The following PCDH15 variants were observed in gnomAD, a reference collection of about 807,000 sequenced individuals.
The protein encoded by PCDH15 is protocadherin-15.
In PCDH15, 129 loss-of-function variants were observed where a neutral mutation model predicts 178.5. The observed-to-expected ratio is 0.72, with a 90% CI of 0.63 to 0.84. The LOEUF (loss-of-function observed/expected upper bound fraction) is 0.84. PCDH15 is among the 40% of genes least tolerant of loss of function. The pLI is 0.00. For synonymous variants in PCDH15, 800 were observed against 732.0 expected (o/e 1.09, Z -1.50); for missense variants, 2,230 against 2,099.9 (o/e 1.06, Z -1.21).
intron 2 of PCDH15, among the ~76,000 whole-genome samples, chr10:55,042,818 C>T (rs946561288): frequency 1.2e-4 from 18 of 152,132 alleles, no homozygotes; most frequent in African/African-American, 4.1e-4. Flanking sequence ...CTATGATCTA[C>T]CTTCCAGTCT....
chr10:54,511,060 C>T (rs554597760), intron 3 of PCDH15, among the ~76,000 whole-genome samples: 1 of 152,028 alleles, frequency 6.6e-6, no homozygotes, highest in Non-Finnish European at 1.5e-5. Context: ...ATGATTTTAC[C>T]GTTACCTTTA....
intron 11 of PCDH15, among the ~76,000 whole-genome samples, chr10:54,193,309 T>C (rs576480930): frequency 6.6e-5 from 10 of 152,268 alleles, no homozygotes; most frequent in East Asian, 1.9e-4. Context: ...GTGTAACCAA[T>C]AGATAATATG....
intron 26 of PCDH15, among the ~76,000 whole-genome samples, chr10:53,876,128 G>A (rs7100891): frequency 0.014 from 2,114 of 151,166 alleles, 40 homozygotes; most frequent in African/African-American, 0.048. Flanking sequence ...TTTGCAAAAA[G>A]CAAAAATAAC....
chr10:53,994,480 T>C (rs1352669252), intron 21 of PCDH15: 1 of 152,144 alleles, frequency 6.6e-6, no homozygotes, highest in Non-Finnish European at 1.5e-5. Flanking sequence ...ATATAGTTGG[T>C]GCTAAAAACA....
At chr10:53,954,418 A>G (rs1235365066) in intron 23 of PCDH15, among the ~76,000 whole-genome samples, 1 of 152,250 alleles carries the variant, frequency 6.6e-6, no homozygotes, top group African/African-American at 2.4e-5. Context: ...AAAAAGAACA[A>G]TGGATTTTGT....
chr10:54,584,400 T>A (rs2091297787), intron 2 of PCDH15, among the ~76,000 whole-genome samples: 1 of 152,048 alleles, frequency 6.6e-6, no homozygotes, highest in African/African-American at 2.4e-5. Context: ...AGACCCTGAC[T>A]TTTTAAAGGA....
At chr10:54,342,072 G>A (rs1942336063) in intron 6 of PCDH15, among the ~76,000 whole-genome samples, 1 of 152,200 alleles carries the variant, frequency 6.6e-6, no homozygotes, top group African/African-American at 2.4e-5. Flanking sequence ...TGACCATGTG[G>A]TAGAAAAGAA....
intron 2 of PCDH15, among the ~76,000 whole-genome samples, chr10:54,975,140 C>G (rs1271227911): frequency 6.6e-6 from 1 of 152,176 alleles, no homozygotes; most frequent in East Asian, 1.9e-4. Flanking sequence ...CCAATATATT[C>G]TCATTTGGTC....
At chr10:55,004,555 C>A (rs1275980651) in intron 2 of PCDH15, among the ~76,000 whole-genome samples, 1 of 152,136 alleles carries the variant, frequency 6.6e-6, no homozygotes, top group African/African-American at 2.4e-5. Flanking sequence ...GATTGTCTTA[C>A]CCACCATCTG....
At chr10:55,471,237 T>C (rs950634186) in intron 2 of PCDH15, among the ~76,000 whole-genome samples, 1 of 152,200 alleles carries the variant, frequency 6.6e-6, no homozygotes, top group African/African-American at 2.4e-5. Context: ...GATTCACATA[T>C]ACAAAGTTTA....
At chr10:54,394,462 A>C (rs1284258306) in intron 3 of PCDH15, among the ~76,000 whole-genome samples, 2 of 152,062 alleles carry the variant, frequency 1.3e-5, no homozygotes, top group Non-Finnish European at 1.5e-5. Context: ...AAAACCAGCA[A>C]GTTTTTATTA....
At chr10:53,929,264 T>G (rs1025095142) in intron 25 of PCDH15, among the ~76,000 whole-genome samples, 9 of 152,096 alleles carry the variant, frequency 5.9e-5, no homozygotes, top group Admixed American at 4.6e-4. Flanking sequence ...AATTTTTTCT[T>G]GGACAGACAA....
chr10:54,703,953 C>T (rs2095340326), intron 1 of PCDH15, among the ~76,000 whole-genome samples: 2 of 152,022 alleles, frequency 1.3e-5, no homozygotes, highest in African/African-American at 2.4e-5. Context: ...TAAAGCCACA[C>T]ACCCCTACAA....
chr10:54,401,665 G>A (rs979751169), intron 3 of PCDH15, among the ~76,000 whole-genome samples: 8 of 151,886 alleles, frequency 5.3e-5, no homozygotes, highest in African/African-American at 1.7e-4. Context: ...TTAATGGATT[G>A]TAAAACTCAG....
At chr10:54,273,656 C>G (rs1465087826) in intron 8 of PCDH15, among the ~76,000 whole-genome samples, 10 of 152,020 alleles carry the variant, frequency 6.6e-5, no homozygotes. Context: ...AAACATATAT[C>G]CTTCCAAAAG....
chr10:55,169,816 T>G (rs927981034), intron 1 of PCDH15, among the ~76,000 whole-genome samples: 1 of 152,120 alleles, frequency 6.6e-6, no homozygotes, highest in East Asian at 1.9e-4. Flanking sequence ...ATAGCAAACA[T>G]TAGTATAATT....
At chr10:55,104,095 AAAC>A (rs1315202674) in intron 2 of PCDH15, among the ~76,000 whole-genome samples, 1 of 149,678 alleles carries the variant, frequency 6.7e-6, no homozygotes, top group Admixed American at 6.6e-5. Flanking sequence ...AAAATAAACA[AAAC>A]AATTTCGTTT....
At chr10:55,006,170 A>G (rs1455272994) in intron 2 of PCDH15, among the ~76,000 whole-genome samples, 3 of 152,120 alleles carry the variant, frequency 2.0e-5, no homozygotes, top group African/African-American at 7.2e-5. Flanking sequence ...TTGTATTAAT[A>G]TGCAGTATAA....
At chr10:54,893,860 G>A (rs1022736636) in intron 3 of PCDH15, among the ~76,000 whole-genome samples, 2 of 151,930 alleles carry the variant, frequency 1.3e-5, no homozygotes, top group South Asian at 4.2e-4. Context: ...GTGACTATAG[G>A]GAGAAGAAAA....
Sources: gnomAD v4.1 joint callset for allele counts (sites outside exome capture counted in the v4.1 genomes callset) on GRCh38, gnomAD v4.1.1 for gene constraint, MANE v1.5 for transcripts, NCBI Gene and HGNC (gene_info 2026-07-23, HGNC 2026-07-21) for gene names.